Variants in CROT observed in about 807,000 individuals in gnomAD.
The protein encoded by CROT is carnitine O-octanoyltransferase.
A neutral mutation model predicts 89.2 loss-of-function variants in CROT; 84 were observed. The observed-to-expected ratio is 0.94, with a 90% confidence interval of 0.79 to 1.13. CROT has a LOEUF of 1.13. CROT is among the 50% of genes most tolerant of loss of function. The pLI is 0.00. For missense variants in CROT, 711 were observed against 727.8 expected (o/e 0.98, Z 0.27); for synonymous variants, 212 against 239.5 (o/e 0.89, Z 1.06).
chr7:87,388,044 G>T (rs558255348), intron 13 of CROT, among the ~76,000 whole-genome samples: 3 of 152,014 alleles, frequency 2.0e-5, no homozygotes, highest in African/African-American at 7.2e-5. Context: ...GGAGCAGGTG[G>T]GTGTGATACC....
chr7:87,356,280 A>C (rs940092176), intron 3 of CROT, among the ~76,000 whole-genome samples: 6 of 152,234 alleles, frequency 3.9e-5, no homozygotes, highest in African/African-American at 1.4e-4. Flanking sequence ...ATGCCAGGAA[A>C]GCCATAGACC....
intron 7 of CROT, among the ~76,000 whole-genome samples, chr7:87,370,191 A>AT (rs896649840): frequency 2.7e-5 from 4 of 150,618 alleles, no homozygotes; most frequent in South Asian, 2.1e-4. Flanking sequence ...CTAAAAAATA[A>AT]TTTTTTTTTT....
chr7:87,382,007 A>C lies in CROT; in HGVS notation c.1062+14A>C. On this transcript the variant is annotated intron_variant, in intron 11 of 17. Coordinates refer to ENST00000331536, the MANE Select transcript of CROT (RefSeq NM_021151.4). ...GGAAGATGGAAGGTATGTTTGAATA[A>C]ATATTTCATCTTTTTTCTCCTAATA... 2 of 1,591,666 alleles carry C rather than the reference A, an allele frequency of 1.3e-6. No individual in the cohort carries two copies. The highest frequency in any genetic ancestry group is 1.1e-5 in the South Asian group (1 of 88,796).
intron 3 of CROT, among the ~76,000 whole-genome samples, chr7:87,355,612 C>G (rs1388336303): frequency 2.6e-5 from 4 of 152,058 alleles, no homozygotes; most frequent in Non-Finnish European, 5.9e-5. Flanking sequence ...AAAAAAATGA[C>G]AGGTGTAAAC....
At chr7:87,364,529 G>GTCT in intron 6 of CROT, among the ~76,000 whole-genome samples, 1 of 152,328 alleles carries the variant, frequency 6.6e-6, no homozygotes, top group African/African-American at 2.4e-5. Flanking sequence ...ACCCCAGCTG[G>GTCT]AAGAGATGAA....
intron 7 of CROT, among the ~76,000 whole-genome samples, chr7:87,374,573 G>C (rs771017296): frequency 2.6e-5 from 4 of 152,042 alleles, no homozygotes; most frequent in Non-Finnish European, 5.9e-5. Context: ...AAAATCAGTA[G>C]TTACTAAAGA....
chr7:87,398,017 A>C (rs1807598274), intron 17 of CROT, among the ~76,000 whole-genome samples: 2 of 152,018 alleles, frequency 1.3e-5, no homozygotes, highest in African/African-American at 4.8e-5. Flanking sequence ...TATCTCGAGA[A>C]AGATGGTGGA....
chr7:87,363,167 T>C (rs546303315), intron 6 of CROT, among the ~76,000 whole-genome samples: 25 of 152,310 alleles, frequency 1.6e-4, no homozygotes, highest in African/African-American at 5.1e-4. Context: ...GGTAACTCTT[T>C]TGGGTTATAG....
intron 16 of CROT, 59 bp downstream of exon 16, chr7:87,392,882 A>G: frequency 2.5e-6 from 4 of 1,610,686 alleles, no homozygotes; most frequent in Non-Finnish European, 2.5e-6. Context: ...TGTATATTAA[A>G]TGGTTTTTAG....
intron 13 of CROT, among the ~76,000 whole-genome samples, chr7:87,386,426 A>G (rs922881090): frequency 1.8e-4 from 27 of 152,118 alleles, no homozygotes; most frequent in African/African-American, 5.3e-4. Context: ...CATTCCTTCT[A>G]GGTTTTCCAA....
intron 7 of CROT, among the ~76,000 whole-genome samples, chr7:87,372,062 G>T (rs1562933299): frequency 6.6e-6 from 1 of 151,444 alleles, no homozygotes; most frequent in Non-Finnish European, 1.5e-5. Flanking sequence ...GTGAAAAATG[G>T]TTTTCATTGT....
At chr7:87,392,881 A>G (rs1807415285) in intron 16 of CROT, 58 bp downstream of exon 16, 6 of 1,610,266 alleles carry the variant, frequency 3.7e-6, no homozygotes, top group Middle Eastern at 1.7e-4. Context: ...TTGTATATTA[A>G]ATGGTTTTTA....
chr7:87,350,003 T>C (rs1034877599), intron 3 of CROT, among the ~76,000 whole-genome samples: 3 of 152,120 alleles, frequency 2.0e-5, no homozygotes, highest in African/African-American at 4.8e-5. Context: ...GGTTAGTAAA[T>C]AGAAAGGTGA....
intron 4 of CROT, among the ~76,000 whole-genome samples, chr7:87,360,738 TTATC>T (rs1334073906): frequency 6.6e-6 from 1 of 152,192 alleles, no homozygotes; most frequent in African/African-American, 2.4e-5. Context: ...GATTTATTGA[TTATC>T]TATTATGCCC....
chr7:87,359,693 A>G (rs1806213027), intron 4 of CROT: 1 of 1,042,132 alleles, frequency 9.6e-7, no homozygotes, highest in Non-Finnish European at 1.2e-6. Flanking sequence ...TAAAATAGAC[A>G]TGTCACATAG....
rs1227256491 is a variant in CROT at position 87,398,877 on chromosome 7, TA to T, written c.*234del. On this transcript the variant is annotated 3_prime_UTR_variant, in exon 18 of 18. Transcript: ENST00000331536. ...TGCAGCAGCAATGCAAATTATGACA[TA>T]GTGAATATAGAACTATGCAGTATTT... 8 of 498,092 alleles carry T rather than the reference TA, an allele frequency of 1.6e-5. No homozygotes were observed. The highest frequency in any genetic ancestry group is 2.9e-5 in the Non-Finnish European group (8 of 277,412). The allele number at this position is 498,092 out of a possible 1,614,324, so 30.9% of individuals were successfully genotyped here.
Position 87,349,174 on chromosome 7 carries a change from C to CGGCCGGGCGCGG in CROT, c.106_107insGGCCGGGCGCGG (p.Leu36delinsArgProGlyAlaVal). 1 of 1,526,696 alleles carries CGGCCGGGCGCGG rather than the reference C, an allele frequency of 6.6e-7. No homozygotes were observed. The highest frequency in any genetic ancestry group is 1.7e-5 in the Admixed American group (1 of 58,012). The allele number at this position is 1,526,696 out of a possible 1,614,324, so 94.6% of individuals were successfully genotyped here. Reference sequence around the variant, plus strand: ...ACTTGAAGAATCATTAAAAAAATACCTTGAATCAGGTATGTTAATAATCTT... The same window carrying CGGCCGGGCGCGG: ...ACTTGAAGAATCATTAAAAAAATACCGGCCGGGCGCGGTTGAATCAGGTATGTTAATAATCTT... On this transcript the variant is annotated protein_altering_variant, in exon 3 of 18. Transcript: ENST00000331536.
Position 87,378,573 on chromosome 7 carries a change from A to G in CROT, c.978+1123A>G, listed in dbSNP as rs142573790. 1.4e-4 allele frequency among the ~76,000 whole-genome samples: 21 copies of G among 152,322 alleles called. No homozygotes were observed. The East Asian group carries it at 3.9e-3, about 28-fold the overall frequency. ...GCCTCATATTTAGGTAGACTGCCCA[A>G]TGTGATTGTTGTACCAACAGTCTCA... On this transcript the variant is annotated intron_variant, in intron 10 of 17. Transcript: ENST00000331536.
chr7:87,364,500 A>G (rs1806378179), intron 6 of CROT, among the ~76,000 whole-genome samples: 2 of 152,224 alleles, frequency 1.3e-5, no homozygotes, highest in South Asian at 4.1e-4. Context: ...GAGCAGTTTT[A>G]ATGAAAGTTG....
Sources: allele counts gnomAD v4.1 joint callset (sites outside exome capture counted in the v4.1 genomes callset), GRCh38; gene constraint gnomAD v4.1.1; transcripts MANE v1.5; gene names NCBI Gene and HGNC (gene_info 2026-07-23, HGNC 2026-07-21).